NOTCH2: variants seen among roughly 807,000 people sequenced by gnomAD.
The protein encoded by NOTCH2 is notch receptor 2.
NOTCH2 carries 29 observed loss-of-function variants against 235.8 expected under a neutral mutation model. The observed-to-expected ratio is 0.12, with a 90% CI of 0.09 to 0.17. The LOEUF (loss-of-function observed/expected upper bound fraction) is 0.17, where lower values mean the gene tolerates loss of function less well. Among genes scored for constraint, NOTCH2 ranks in the 10% least tolerant of loss-of-function variants. NOTCH2 has a pLI of 1.00. For synonymous variants in NOTCH2, 1,086 were observed against 1,141.5 expected (o/e 0.95, Z 0.98); for missense variants, 2,285 against 3,150.2 (o/e 0.73, Z 6.57).
rs1007601619 is a variant in NOTCH2 at position 119,911,596 on chromosome 1, A to G, written c.*3710T>C. On this transcript the variant is annotated 3_prime_UTR_variant, in exon 34 of 34. Coordinates refer to ENST00000256646, the MANE Select transcript of NOTCH2 (RefSeq NM_024408.4). ...ACTGACTTTATAAATAAATGTATGA[A>G]TGTGAACTTATAACAAATTTATACA... The G allele has an allele frequency of 1.3e-5, 3 of 231,436 alleles. No individual in the cohort carries two copies. Among genetic ancestry groups the G allele is most frequent in the Non-Finnish European group, 8.5e-6 (1 of 117,074 alleles). 14.3% of individuals were successfully genotyped at this position (231,436 alleles called of 1,614,324 possible).
chr1:119,945,344 A>T (rs1191336539), intron 17 of NOTCH2, among the ~76,000 whole-genome samples: 10 of 152,144 alleles, frequency 6.6e-5, no homozygotes, highest in African/African-American at 2.4e-4. Flanking sequence ...ACAAAGATAA[A>T]GCAAACAGCA....
intron 5 of NOTCH2, among the ~76,000 whole-genome samples, chr1:119,985,532 A>C (rs1224929937): frequency 6.6e-6 from 1 of 152,192 alleles, no homozygotes; most frequent in Non-Finnish European, 1.5e-5. Flanking sequence ...AACCAGCAAC[A>C]ATATTACAAT....
intron 16 of NOTCH2, 119 bp downstream of exon 16, chr1:119,948,888 C>G: frequency 7.5e-7 from 1 of 1,329,026 alleles, no homozygotes; most frequent in Non-Finnish European, 1.1e-6. Flanking sequence ...CCTGTGTGCT[C>G]TTGACAAGAT....
chr1:120,041,068 AAAAAT>A (rs1654540061), intron 1 of NOTCH2, among the ~76,000 whole-genome samples: 4 of 111,714 alleles, frequency 3.6e-5, no homozygotes, highest in African/African-American at 2.8e-4. Context: ...AAAAAAAAAA[AAAAAT>A]ATATATATAT....
rs772005110 is a variant in NOTCH2 at position 119,916,565 on chromosome 1, G to T, written c.6157C>A (p.Arg2053Ser). The T allele has an allele frequency of 6.2e-7, 1 of 1,614,064 alleles. No individual in the cohort carries two copies. Among genetic ancestry groups the T allele is most frequent in the East Asian group, 2.2e-5 (1 of 44,874 alleles). Residue 2053 changes from arginine (R) to serine (S), a missense_variant, in exon 34 of 34, where the codon CGC becomes AGC. Around this residue, in one of 6 missense-constraint regions of NOTCH2, gnomAD observed 504 missense variants for 538.0 expected, o/e 0.94. Coordinates refer to ENST00000256646, the MANE Select transcript of NOTCH2 (RefSeq NM_024408.4). The stretch of plus-strand genomic sequence containing the variant: ...AGGCGCACAATGTCATGGTGCATGC[G>T]ATCCCGAGCCACATCCCGGGGAAGA... The part of the protein sequence containing the change: ...DRLPRDVARD[R>S]MHHDIVRLLD...
Position 119,997,186 on chromosome 1 carries a change from T to C in NOTCH2, c.562A>G (p.Ile188Val), listed in dbSNP as rs781929466. ...KCETDVNECD[I>V]PGHCQHGGTC... ...CCACCATGCTGGCAGTGTCCTGGAATGTCACACTCATTGACATCAGTCTCA... is the reference window on the plus strand; with the variant it reads ...CCACCATGCTGGCAGTGTCCTGGAACGTCACACTCATTGACATCAGTCTCA... Residue 188 changes from isoleucine (I) to valine (V), a missense_variant, in exon 4 of 34, where the codon ATT (isoleucine) becomes GTT (valine). Ile to Val is a conservative substitution (Grantham distance 29, BLOSUM62 3). This residue lies in a region of NOTCH2 where 431 missense variants were observed against 757.8 expected (regional missense o/e 0.57). Transcript: ENST00000256646. 3.7e-6 allele frequency: 6 copies of C among 1,613,906 alleles called. No individual in the cohort carries two copies. The highest frequency in any genetic ancestry group is 3.4e-6 in the Non-Finnish European group (4 of 1,179,870).
At chr1:119,939,336 G>A (rs1649982709) in intron 19 of NOTCH2, among the ~76,000 whole-genome samples, 1 of 152,166 alleles carries the variant, frequency 6.6e-6, no homozygotes, top group African/African-American at 2.4e-5. Context: ...AAACCCAACA[G>A]GTTAAGCTAT....
In NOTCH2 at chr1:119,913,719, C is replaced by T. The variant is rs1004829168; in HGVS notation, c.*1587G>A. The T allele has an allele frequency of 1.7e-5, 4 of 233,104 alleles. No homozygotes were observed. The highest frequency in any genetic ancestry group is 4.4e-5 in the African/African-American group (2 of 45,346). The allele number at this position is 233,104 out of a possible 1,614,324, so 14.4% of individuals were successfully genotyped here. On this transcript the variant is annotated 3_prime_UTR_variant, in exon 34 of 34. Transcript: ENST00000256646. ...AACAATGAGCAAGTCTATAGTTGTC[C>T]ATTATCATCTAAAAGGTGACTCTAG...
intron 1 of NOTCH2, among the ~76,000 whole-genome samples, chr1:120,058,315 C>G (rs1345404233): frequency 5.3e-5 from 8 of 151,300 alleles, no homozygotes; most frequent in African/African-American, 1.9e-4. Context: ...ACCAGCCTGC[C>G]CAACATAGAG....
intron 2 of NOTCH2, among the ~76,000 whole-genome samples, chr1:120,012,725 T>C (rs587718095): frequency 2.2e-4 from 33 of 152,336 alleles, no homozygotes; most frequent in Admixed American, 1.3e-4. Flanking sequence ...GTTTTACAAA[T>C]ATATCCCTAT....
chr1:119,963,471 T>G, intron 11 of NOTCH2, 103 bp downstream of exon 11: 1 of 1,086,798 alleles, frequency 9.2e-7, no homozygotes, highest in African/African-American at 1.5e-5. Flanking sequence ...ATCAGGACTG[T>G]TTTTTAGGTA....
At chr1:119,965,778 C>A (rs1651113054) in intron 9 of NOTCH2, among the ~76,000 whole-genome samples, 2 of 152,210 alleles carry the variant, frequency 1.3e-5, no homozygotes, top group Non-Finnish European at 2.9e-5. Flanking sequence ...TCTTCACAGA[C>A]AGACTTCACT....
chr1:120,064,150 TAAG>T (rs1208297273), intron 1 of NOTCH2, among the ~76,000 whole-genome samples: 5 of 151,854 alleles, frequency 3.3e-5, no homozygotes, highest in South Asian at 2.1e-4. Context: ...CAGCTGAATA[TAAG>T]AAGATCTTTC....
At chr1:120,040,861 C>A (rs587735102) in intron 1 of NOTCH2, among the ~76,000 whole-genome samples, 190 of 149,768 alleles carry the variant, frequency 1.3e-3, no homozygotes, top group African/African-American at 4.4e-3. Flanking sequence ...CACGGTGAAA[C>A]CACATCTCTA....
At chr1:119,987,436 C>T (rs1187969369) in intron 4 of NOTCH2, among the ~76,000 whole-genome samples, 3 of 152,134 alleles carry the variant, frequency 2.0e-5, no homozygotes, top group African/African-American at 7.2e-5. Context: ...CAGCTCCATA[C>T]CAGACTAATG....
chr1:119,943,754 A>C (rs2101108468), intron 17 of NOTCH2, among the ~76,000 whole-genome samples: 1 of 152,318 alleles, frequency 6.6e-6, no homozygotes, highest in East Asian at 1.9e-4. Context: ...GGAATTTCTC[A>C]TATGGTAGAA....
At chr1:119,948,975 T>G in intron 16 of NOTCH2, 32 bp downstream of exon 16, 2 of 1,614,096 alleles carry the variant, frequency 1.2e-6, no homozygotes, top group Non-Finnish European at 1.7e-6. Context: ...TCAGAATGCA[T>G]GTTCTTGGCT....
intron 2 of NOTCH2, among the ~76,000 whole-genome samples, chr1:120,009,821 C>T (rs1222969546): frequency 6.7e-6 from 1 of 149,834 alleles, no homozygotes; most frequent in Admixed American, 6.6e-5. Flanking sequence ...TCTCCTTCTT[C>T]CCCATCTATT....
At chr1:119,986,458 G>A (rs587718962) in intron 5 of NOTCH2, among the ~76,000 whole-genome samples, 17 of 152,234 alleles carry the variant, frequency 1.1e-4, no homozygotes, top group African/African-American at 1.7e-4. Context: ...TGTAGGATGC[G>A]TATCATAAAA....
Sources: gnomAD v4.1 joint callset for allele counts (sites outside exome capture counted in the v4.1 genomes callset) on GRCh38, gnomAD v4.1.1 for gene constraint, gnomAD v4.1.1 regional missense constraint, MANE v1.5 for transcripts, NCBI Gene and HGNC (gene_info 2026-07-23, HGNC 2026-07-21) for gene names.